MYZAP: variants seen among roughly 807,000 people sequenced by gnomAD.
MYZAP encodes GRINL1A complex locus upstream.
MYZAP carries 66 observed loss-of-function variants against 69.4 expected under a neutral mutation model. That is an observed-to-expected ratio of 0.95 (90% CI 0.78 to 1.17). MYZAP has a LOEUF of 1.17. MYZAP is among the 50% of genes most tolerant of loss of function. The pLI, the probability that MYZAP is intolerant of heterozygous loss-of-function variation, is 0.00. For missense variants in MYZAP, 611 were observed against 556.2 expected, an observed-to-expected ratio of 1.10 and a Z score of -0.99; for synonymous variants, 256 against 205.9, an observed-to-expected ratio of 1.24 and a Z score of -2.09.
Position 57,595,403 on chromosome 15 carries a change from T to C in MYZAP, c.75+3294T>C, listed in dbSNP as rs1479000700. On this transcript the variant is annotated intron_variant, in intron 1 of 12. Coordinates refer to ENST00000267853, the MANE Select transcript of MYZAP (RefSeq NM_001018100.5). ...ACAGCCAGAAGATGACCTTGGGGAA[T>C]GGGGGGAAACGATTTTAAAAATATT... Among the ~76,000 whole-genome samples, 3 of 152,198 alleles carry C rather than the reference T, an allele frequency of 2.0e-5. No individual in the cohort carries two copies. In the East Asian group the frequency reaches 5.8e-4, roughly 29 times the overall value.
At chr15:57,606,902 G>A (rs1033261381) in intron 2 of MYZAP, among the ~76,000 whole-genome samples, 1 of 152,214 alleles carries the variant, frequency 6.6e-6, no homozygotes, top group African/African-American at 2.4e-5. Context: ...CACAGACAAA[G>A]TTTGGGAGTA....
chr15:57,621,896 G>A (rs2934439), intron 4 of MYZAP, among the ~76,000 whole-genome samples, 196 bp downstream of exon 4: 1 of 152,102 alleles, frequency 6.6e-6, no homozygotes, highest in Non-Finnish European at 1.5e-5. Context: ...AAGAATAATC[G>A]TATTCATATT....
intron 6 of MYZAP, among the ~76,000 whole-genome samples, chr15:57,631,340 C>T (rs1048200425): frequency 3.9e-5 from 6 of 152,110 alleles, no homozygotes; most frequent in African/African-American, 1.2e-4. Flanking sequence ...CTGGCTGCTT[C>T]CCTGGAGTCC....
At chr15:57,610,743 T>C (rs1158635733) in intron 2 of MYZAP, among the ~76,000 whole-genome samples, 2 of 152,198 alleles carry the variant, frequency 1.3e-5, no homozygotes, top group Non-Finnish European at 2.9e-5. Context: ...ATCAGGGCTA[T>C]GTTGGCTGCC....
Position 57,668,894 on chromosome 15 carries a change from A to ATTT in MYZAP, c.1204-6063_1204-6061dup, listed in dbSNP as rs869270863. Among the ~76,000 whole-genome samples, 54 of 62,600 alleles carry ATTT rather than the reference A, an allele frequency of 8.6e-4. No homozygotes were observed. The East Asian group carries it at 0.019, about 22-fold the overall frequency. 41.1% of individuals were successfully genotyped at this position (62,600 alleles called of 152,430 possible). On this transcript the variant is annotated intron_variant, in intron 11 of 12. Transcript: ENST00000267853. The stretch of plus-strand genomic sequence containing the variant: ...TGAAGATATATATATATATATATAT[A>ATTT]TTTTTTTTTTTTTGCAATGGGGTCT...
At chr15:57,679,371 TG>T (rs1567244225) in intron 12 of MYZAP, among the ~76,000 whole-genome samples, 7,092 of 52,826 alleles carry the variant, frequency 0.13, 460 homozygotes, top group African/African-American at 0.28. Context: ...TGTGTGTGTG[TG>T]TGTTTCTCTC....
At chr15:57,671,498 T>A (rs1262313289) in intron 11 of MYZAP, among the ~76,000 whole-genome samples, 1 of 152,138 alleles carries the variant, frequency 6.6e-6, no homozygotes, top group Non-Finnish European at 1.5e-5. Context: ...CTCTCCTCTC[T>A]TCCTTTGACT....
chr15:57,648,375 A>T, intron 10 of MYZAP: 5 of 985,426 alleles, frequency 5.1e-6, no homozygotes, highest in Non-Finnish European at 4.8e-6. Flanking sequence ...TGTTTCTCAG[A>T]CACCTGGTGC....
At chr15:57,597,159 G>A (rs1261338841) in intron 1 of MYZAP, among the ~76,000 whole-genome samples, 2 of 152,206 alleles carry the variant, frequency 1.3e-5, no homozygotes, top group Non-Finnish European at 2.9e-5. Context: ...CCCAGGTGAG[G>A]AGGTTGACAG....
At chr15:57,618,986 A>G (rs1466691545) in intron 3 of MYZAP, among the ~76,000 whole-genome samples, 1 of 152,182 alleles carries the variant, frequency 6.6e-6, no homozygotes, top group Non-Finnish European at 1.5e-5. Flanking sequence ...CTGTGAGCTC[A>G]CAGACCTTGC....
chr15:57,646,626 G>A (rs1451083959), intron 10 of MYZAP: 3 of 997,468 alleles, frequency 3.0e-6, no homozygotes, highest in African/African-American at 1.7e-5. Flanking sequence ...TGGGAAGGAG[G>A]TGCTCCCACC....
At chr15:57,657,531 A>G (rs936630056) in intron 10 of MYZAP, among the ~76,000 whole-genome samples, 4 of 152,126 alleles carry the variant, frequency 2.6e-5, no homozygotes, top group East Asian at 1.9e-4. Context: ...TAAACTTTCC[A>G]TTTTGCAGTA....
At chr15:57,608,498 G>A (rs1368195461) in intron 2 of MYZAP, among the ~76,000 whole-genome samples, 1 of 152,136 alleles carries the variant, frequency 6.6e-6, no homozygotes, top group Admixed American at 6.5e-5. Context: ...CAGATGCCCT[G>A]GCTGCCTGTT....
intron 10 of MYZAP, among the ~76,000 whole-genome samples, chr15:57,645,914 C>G (rs1182446163): frequency 1.3e-5 from 2 of 152,210 alleles, no homozygotes; most frequent in African/African-American, 4.8e-5. Flanking sequence ...CAAGTATCTG[C>G]CATTTTTACA....
chr15:57,593,190 A>ATGCGCGCGCGCGCGCG lies in MYZAP; in HGVS notation c.75+1081_75+1082insTGCGCGCGCGCGCGCG, dbSNP rs376306761. ...ACACTTAGGTTGTGTACACAGGCGC[A>ATGCGCGCGCGCGCGCG]CACACACACACACACACACACACAC... On this transcript the variant is annotated intron_variant, in intron 1 of 12. Transcript: ENST00000267853. 4.2e-3 allele frequency among the ~76,000 whole-genome samples: 457 copies of ATGCGCGCGCGCGCGCG among 108,256 alleles called. 15 individuals are homozygous for ATGCGCGCGCGCGCGCG. Among genetic ancestry groups the ATGCGCGCGCGCGCGCG allele is most frequent in the South Asian group, 0.013 (42 of 3,114 alleles). 71.0% of individuals were successfully genotyped at this position (108,256 alleles called of 152,430 possible). A position where few individuals can be genotyped will look rare whatever the true frequency, so the allele number is the denominator to read the frequency against.
chr15:57,599,702 A>T, intron 1 of MYZAP: 1 of 1,289,064 alleles, frequency 7.8e-7, no homozygotes, highest in Non-Finnish European at 1.0e-6. Flanking sequence ...AAATGCTCGG[A>T]GGTAAGGAAT....
intron 1 of MYZAP, among the ~76,000 whole-genome samples, chr15:57,598,803 T>C (rs767645985): frequency 7.2e-5 from 11 of 152,220 alleles, no homozygotes; most frequent in Non-Finnish European, 1.6e-4. Context: ...TGCCGACATC[T>C]GTGTGTTTGG....
rs1303994308 is a variant in MYZAP at position 57,637,666 on chromosome 15, A to G, written c.934-29A>G. ...TCTCTGTCAAACTTGGGATCCATTG[A>G]TTAAAATATCAGTTTCTGTTTGTTT... On this transcript the variant is annotated intron_variant, in intron 8 of 12. Transcript: ENST00000267853. 16 of 1,606,240 alleles carry G rather than the reference A, an allele frequency of 1.0e-5. No homozygotes were observed. The South Asian group carries it at 1.8e-4, about 18-fold the overall frequency.
intron 1 of MYZAP, among the ~76,000 whole-genome samples, chr15:57,594,180 A>G (rs2033905456): frequency 6.6e-6 from 1 of 152,204 alleles, no homozygotes. Flanking sequence ...CCATGGCACG[A>G]TCTCGGCTCA....
Sources: gnomAD v4.1 joint callset for allele counts (sites outside exome capture counted in the v4.1 genomes callset) on GRCh38, gnomAD v4.1.1 for gene constraint, MANE v1.5 for transcripts, NCBI Gene and HGNC (gene_info 2026-07-23, HGNC 2026-07-21) for gene names.